AMPD1: variants seen among roughly 807,000 people sequenced by gnomAD.
The protein encoded by AMPD1 is adenosine monophosphate deaminase 1, also known as AMP deaminase 1.
AMPD1 carries 74 observed loss-of-function variants against 82.9 expected under a neutral mutation model. The ratio of observed to expected loss-of-function variants is 0.89; its 90% CI spans 0.74 to 1.08. AMPD1 has a LOEUF of 1.08. AMPD1 is among the 50% of genes least tolerant of loss of function. The pLI, the probability that AMPD1 is intolerant of heterozygous loss-of-function variation, is 0.00. For missense variants in AMPD1, 881 were observed against 924.5 expected (o/e 0.95, Z 0.61); for synonymous variants, 333 against 320.5 (o/e 1.04, Z -0.42).
At chr1:114,678,793 T>G (rs1379782095) in intron 7 of AMPD1, among the ~76,000 whole-genome samples, 1 of 152,100 alleles carries the variant, frequency 6.6e-6, no homozygotes, top group Non-Finnish European at 1.5e-5. Flanking sequence ...TTCCTACGTC[T>G]GATCCACACA....
chr1:114,695,495 G>C lies in AMPD1; in HGVS notation c.-24C>G, dbSNP rs1658650696. The C allele has an allele frequency of 6.2e-7, 1 of 1,613,904 alleles. No individual in the cohort carries two copies. The highest frequency in any genetic ancestry group is 8.5e-7 in the Non-Finnish European group (1 of 1,180,002). On this transcript the variant is annotated 5_prime_UTR_variant, in exon 1 of 16. Transcript: ENST00000520113. ...ATTGTTGCTGAAATCCTTGATTCTA[G>C]GATAGCACAGTAGAAAAGAAGAGAG...
In AMPD1 at chr1:114,688,504, T is replaced by C. The variant is rs115120750; in HGVS notation, c.215+57A>G. 5.1e-6 allele frequency: 8 copies of C among 1,570,314 alleles called. No homozygotes were observed. In the Middle Eastern group the frequency reaches 1.0e-3, roughly 206 times the overall value. ...TGGATAAATTGAACCATATCTTCCCTGGCAGATACCCCTCCTTAGGTGCCA... is the reference window on the plus strand; with the variant it reads ...TGGATAAATTGAACCATATCTTCCCCGGCAGATACCCCTCCTTAGGTGCCA... On this transcript the variant is annotated intron_variant, in intron 3 of 15. Coordinates refer to ENST00000520113, the MANE Select transcript of AMPD1 (RefSeq NM_000036.3).
chr1:114,692,582 C>G (rs1256383071), intron 2 of AMPD1, among the ~76,000 whole-genome samples: 1 of 151,970 alleles, frequency 6.6e-6, no homozygotes, highest in Non-Finnish European at 1.5e-5. Flanking sequence ...ACTCAGGAGG[C>G]TGAGGCAGGA....
At chr1:114,676,761 G>GT (rs1657995739) in intron 10 of AMPD1, among the ~76,000 whole-genome samples, 1 of 152,094 alleles carries the variant, frequency 6.6e-6, no homozygotes, top group Non-Finnish European at 1.5e-5. Context: ...ACAAAGACAG[G>GT]TAGCCAGAAA....
At chr1:114,688,364 G>A (rs57859921) in intron 3 of AMPD1, among the ~76,000 whole-genome samples, 197 bp downstream of exon 3, 4,431 of 152,222 alleles carry the variant, frequency 0.029, 219 homozygotes, top group African/African-American at 0.1. Flanking sequence ...CTGTCCTCAA[G>A]TGATCCACCC....
chr1:114,673,912 G>T lies in AMPD1; in HGVS notation c.1971C>A (p.Thr657=). Residue 657 remains threonine, a synonymous_variant, in exon 14 of 16, where the codon ACC becomes ACA. Transcript: ENST00000520113. ...STDDPMQFHF[T]KEPLMEEYAI... ...ATTGCCCAAGTCCATACTATACCTT[G>T]GTAAAGTGGAATTGCATTGGGTCAT... 1 of 1,613,878 alleles carries T rather than the reference G, an allele frequency of 6.2e-7. No homozygotes were observed. Among genetic ancestry groups the T allele is most frequent in the Non-Finnish European group, 8.5e-7 (1 of 1,179,860 alleles).
Position 114,686,517 on chromosome 1 carries a change from T to C in AMPD1, c.381+228A>G, listed in dbSNP as rs148155502. Among the ~76,000 whole-genome samples, 380 of 152,206 alleles carry C rather than the reference T, an allele frequency of 2.5e-3. 1 individual carries two copies. Among genetic ancestry groups the C allele is most frequent in the African/African-American group, 8.6e-3 (358 of 41,526 alleles). On this transcript the variant is annotated intron_variant, in intron 4 of 15. Coordinates refer to ENST00000520113, the MANE Select transcript of AMPD1 (RefSeq NM_000036.3). Reference sequence around the variant, plus strand: ...ATACACACTGCATTCTACTCCATATTCTCCATGTGCAAGCAAATGAGATAG... The same window carrying C: ...ATACACACTGCATTCTACTCCATATCCTCCATGTGCAAGCAAATGAGATAG...
At chr1:114,675,762 T>C in intron 11 of AMPD1, 69 bp from the exon 12 acceptor site, 1 of 1,613,510 alleles carries the variant, frequency 6.2e-7, no homozygotes, top group South Asian at 1.1e-5. Flanking sequence ...ACACAAACTT[T>C]CAGGTCCAAA....
rs1658328937 is a variant in AMPD1 at position 114,686,769 on chromosome 1, C to G, written c.357G>C (p.Gln119His). 1 of 1,614,100 alleles carries G rather than the reference C, an allele frequency of 6.2e-7. No individual in the cohort carries two copies. Residue 119 changes from glutamine (Q) to histidine (H), a missense_variant, in exon 4 of 16, where the codon CAG (glutamine) becomes CAC (histidine). By Grantham distance (24) the Gln-to-His change is conservative. Coordinates refer to ENST00000520113, the MANE Select transcript of AMPD1 (RefSeq NM_000036.3). ...YQTVPDFQRV[Q>H]ITGDYASGVT... The stretch of plus-strand genomic sequence containing the variant: ...CCCCAGAGGCATAGTCACCAGTAAT[C>G]TGCACTCTCTGAAAATCAGGCACGG...
rs1257078579 is a variant in AMPD1 at position 114,680,286 on chromosome 1, A to C, written c.740T>G (p.Leu247Ter). ...LDTFLDDMNF[L>*]LALIAQGPVK... ...AGGTCCTTGAGCAATTAAAGCAAGT[A>C]AAAAATTCATATCGTCTAAGAAGGT... Residue 247 changes from leucine (L) to a stop codon, truncating the protein, a stop_gained, in exon 6 of 16, where the codon TTA becomes TGA. Transcript: ENST00000520113. LOFTEE classifies it high-confidence loss of function. The C allele has an allele frequency of 6.2e-7, 1 of 1,614,092 alleles. No homozygotes were observed. Among genetic ancestry groups the C allele is most frequent in the Non-Finnish European group, 8.5e-7 (1 of 1,180,030 alleles).
chr1:114,685,069 T>G (rs1658270510), intron 4 of AMPD1, among the ~76,000 whole-genome samples: 1 of 152,220 alleles, frequency 6.6e-6, no homozygotes, highest in African/African-American at 2.4e-5. Context: ...TGAATGTTCA[T>G]TATCAGAACC....
chr1:114,689,872 C>T (rs1658464969), intron 2 of AMPD1, among the ~76,000 whole-genome samples: 1 of 152,160 alleles, frequency 6.6e-6, no homozygotes, highest in African/African-American at 2.4e-5. Context: ...CATCAAGTAT[C>T]TGCCTTTCTG....
Position 114,688,546 on chromosome 1 carries a change from C to T in AMPD1, c.215+15G>A, listed in dbSNP as rs1260852925. On this transcript the variant is annotated intron_variant, in intron 3 of 15. Coordinates refer to ENST00000520113, the MANE Select transcript of AMPD1 (RefSeq NM_000036.3). ...TAGGTGCCAATATACTAAGCACTCC[C>T]CTTACACCACTTACCTCCTGGCTTC... The T allele has an allele frequency of 6.2e-7, 1 of 1,614,042 alleles. No homozygotes were observed. Among genetic ancestry groups the T allele is most frequent in the Non-Finnish European group, 8.5e-7 (1 of 1,179,958 alleles).
chr1:114,687,938 A>G (rs909552963), intron 3 of AMPD1, among the ~76,000 whole-genome samples: 6 of 152,110 alleles, frequency 3.9e-5, no homozygotes, highest in African/African-American at 9.7e-5. Context: ...TAAATTGAAT[A>G]TGTTCACAGC....
chr1:114,685,075 G>C (rs1658270789), intron 4 of AMPD1, among the ~76,000 whole-genome samples: 1 of 152,174 alleles, frequency 6.6e-6, no homozygotes, highest in Non-Finnish European at 1.5e-5. Flanking sequence ...TTCATTATCA[G>C]AACCCAAAGA....
chr1:114,687,053 A>C, intron 3 of AMPD1, 143 bp from the exon 4 acceptor site: 2 of 844,920 alleles, frequency 2.4e-6, no homozygotes, highest in Non-Finnish European at 3.9e-6. Flanking sequence ...AACAGGATCC[A>C]AGCATAGTGG....
At position 114,688,543 on chromosome 1, in the gene AMPD1, T is replaced by C; in HGVS notation, c.215+18A>G. The C allele has an allele frequency of 1.2e-6, 2 of 1,613,892 alleles. No homozygotes were observed. The highest frequency in any genetic ancestry group is 1.7e-6 in the Non-Finnish European group (2 of 1,179,826). On this transcript the variant is annotated intron_variant, in intron 3 of 15. Coordinates refer to ENST00000520113, the MANE Select transcript of AMPD1 (RefSeq NM_000036.3). ...CCTTAGGTGCCAATATACTAAGCAC[T>C]CCCCTTACACCACTTACCTCCTGGC...
intron 6 of AMPD1, 140 bp downstream of exon 6, chr1:114,680,119 G>T: frequency 3.7e-6 from 3 of 810,842 alleles, no homozygotes; most frequent in Non-Finnish European, 4.2e-6. Context: ...GGAACAATGT[G>T]CATGAAGGGC....
Position 114,673,724 on chromosome 1 carries a change from A to G in AMPD1, c.2000T>C (p.Ile667Thr). 1 of 1,614,090 alleles carries G rather than the reference A, an allele frequency of 6.2e-7. No individual in the cohort carries two copies. Among genetic ancestry groups the G allele is most frequent in the Non-Finnish European group, 8.5e-7 (1 of 1,179,946 alleles). ...GCTCAGCTTGAAGACTTGTGCAGCA[A>G]TAGCATATTCTTCCATTAGGGGCTC... is the stretch of plus-strand genomic sequence containing the variant. ...TKEPLMEEYA[I>T]AAQVFKLSTC... Residue 667 changes from isoleucine (I) to threonine (T), a missense_variant, in exon 15 of 16, where the codon ATT becomes ACT. This residue lies in a region of AMPD1 where 98 missense variants were observed against 138.1 expected (regional missense o/e 0.71). Transcript: ENST00000520113.
Sources: gnomAD v4.1 joint callset for allele counts (sites outside exome capture counted in the v4.1 genomes callset) on GRCh38, gnomAD v4.1.1 for gene constraint, gnomAD v4.1.1 regional missense constraint, MANE v1.5 for transcripts, NCBI Gene and HGNC (gene_info 2026-07-23, HGNC 2026-07-21) for gene names.